The following CAPN8 variants were observed in gnomAD, a reference collection of about 807,000 sequenced individuals.
The protein encoded by CAPN8 is calpain-8.
CAPN8 carries 87 observed loss-of-function variants against 80.9 expected under a neutral mutation model. The ratio of observed to expected loss-of-function variants is 1.07; its 90% confidence interval spans 0.90 to 1.28. The LOEUF (loss-of-function observed/expected upper bound fraction) is 1.28. Among genes scored for constraint, CAPN8 ranks in the 50% most tolerant of loss-of-function variants. CAPN8 has a pLI of 0.00. For missense variants in CAPN8, 757 were observed against 702.0 expected (o/e 1.08, Z -0.89); for synonymous variants, 299 against 273.8 (o/e 1.09, Z -0.91).
chr1:223,541,733 C>T lies in CAPN8; in HGVS notation c.*103G>A. On this transcript the variant is annotated 3_prime_UTR_variant, in exon 21 of 21. Coordinates refer to ENST00000366872, the MANE Select transcript of CAPN8 (RefSeq NM_001143962.2). ...CCAGGGCAAGAAAGGTATGAACAAC[C>T]AGTGAATGCCACTGGAGCATAAATG... The T allele has an allele frequency of 6.6e-7, 1 of 1,526,438 alleles. No individual in the cohort carries two copies. 94.6% of individuals were successfully genotyped at this position (1,526,438 alleles called of 1,614,324 possible). A position where few individuals can be genotyped will look rare whatever the true frequency, so the allele number is the denominator to read the frequency against.
chr1:223,610,512 T>C (rs1657004885), intron 11 of CAPN8, among the ~76,000 whole-genome samples: 1 of 152,176 alleles, frequency 6.6e-6, no homozygotes, highest in Non-Finnish European at 1.5e-5. Flanking sequence ...CCATACCTGA[T>C]GGTAGCAAAG....
intron 16 of CAPN8, among the ~76,000 whole-genome samples, chr1:223,549,067 C>T (rs980541264): frequency 2.6e-5 from 4 of 152,084 alleles, no homozygotes; most frequent in Admixed American, 2.0e-4. Flanking sequence ...TTAAATAAGT[C>T]ACCTAAACAC....
chr1:223,628,985 C>G (rs965924556), intron 2 of CAPN8: 1 of 556,924 alleles, frequency 1.8e-6, no homozygotes, highest in African/African-American at 1.9e-5. Flanking sequence ...GGGAGTGGAT[C>G]CTCTGCTCCT....
intron 16 of CAPN8, among the ~76,000 whole-genome samples, chr1:223,547,581 G>A (rs1558335468): frequency 6.6e-6 from 1 of 152,168 alleles, no homozygotes; most frequent in Non-Finnish European, 1.5e-5. Context: ...GCCATTGCCT[G>A]ATATACTTTA....
chr1:223,621,076 G>A (rs1029285024), intron 7 of CAPN8, among the ~76,000 whole-genome samples: 9 of 151,914 alleles, frequency 5.9e-5, no homozygotes, highest in Non-Finnish European at 1.2e-4. Context: ...TCCAAGCCAG[G>A]CTTTAAGACC....
At chr1:223,659,771 G>T (rs1186354464) in intron 1 of CAPN8, among the ~76,000 whole-genome samples, 1 of 152,158 alleles carries the variant, frequency 6.6e-6, no homozygotes, top group Non-Finnish European at 1.5e-5. Flanking sequence ...AGTGAAGTGG[G>T]TAATATTGTT....
chr1:223,653,501 T>C (rs1185768000), intron 2 of CAPN8, among the ~76,000 whole-genome samples: 1 of 150,874 alleles, frequency 6.6e-6, no homozygotes, highest in Non-Finnish European at 1.5e-5. Flanking sequence ...GATGCTGAGG[T>C]TTCTGTTTGT....
At chr1:223,656,639 G>A (rs1571741963) in intron 1 of CAPN8, among the ~76,000 whole-genome samples, 2 of 147,020 alleles carry the variant, frequency 1.4e-5, no homozygotes, top group South Asian at 4.4e-4. Flanking sequence ...TGATATGAAA[G>A]CATATTTATG....
intron 2 of CAPN8, among the ~76,000 whole-genome samples, chr1:223,643,710 A>G (rs1658106629): frequency 1.3e-5 from 2 of 152,260 alleles, no homozygotes; most frequent in Admixed American, 6.5e-5. Context: ...GAGTTTCTCC[A>G]AACAGTTTGT....
intron 1 of CAPN8, among the ~76,000 whole-genome samples, chr1:223,662,081 G>C (rs1055868493): frequency 6.6e-6 from 1 of 152,162 alleles, no homozygotes; most frequent in African/African-American, 2.4e-5. Flanking sequence ...GACAAATACT[G>C]TATAATTCCA....
Position 223,549,301 on chromosome 1 carries a change from C to T in CAPN8, c.1764+17G>A. 6.5e-7 allele frequency: 1 copy of T among 1,540,610 alleles called. No individual in the cohort carries two copies. Among genetic ancestry groups the T allele is most frequent in the Non-Finnish European group, 8.7e-7 (1 of 1,142,922 alleles). On this transcript the variant is annotated intron_variant, in intron 16 of 20. Coordinates refer to ENST00000366872, the MANE Select transcript of CAPN8 (RefSeq NM_001143962.2). The stretch of plus-strand genomic sequence containing the variant: ...CGAAAGTAAAAAAAAAAAAATAATG[C>T]AACATTTAAAGGATACATCCAACAG...
intron 1 of CAPN8, 85 bp from the exon 2 acceptor site, chr1:223,654,484 T>C: frequency 1.6e-6 from 2 of 1,253,112 alleles, no homozygotes; most frequent in South Asian, 1.3e-5. Flanking sequence ...GAGTCCCAGG[T>C]TGCAGAGCTG....
intron 11 of CAPN8, among the ~76,000 whole-genome samples, chr1:223,609,972 A>T (rs1169828525): frequency 2.6e-5 from 4 of 152,194 alleles, no homozygotes; most frequent in African/African-American, 9.6e-5. Context: ...ACTCTCCTCA[A>T]CAGGCGACGA....
At chr1:223,549,576 A>G in intron 15 of CAPN8, 194 bp from the exon 16 acceptor site, 1 of 821,848 alleles carries the variant, frequency 1.2e-6, no homozygotes, top group Non-Finnish European at 2.0e-6. Flanking sequence ...TGGGAGATAG[A>G]ACAGACAAGC....
At chr1:223,660,987 C>T (rs889770772) in intron 1 of CAPN8, among the ~76,000 whole-genome samples, 2 of 152,050 alleles carry the variant, frequency 1.3e-5, no homozygotes, top group African/African-American at 4.8e-5. Context: ...GCCAACATGG[C>T]AAAACCCAAT....
rs1402791582 is a variant in CAPN8, at chr1:223,550,982, A to G, written c.1677T>C (p.Leu559=). The change falls in exon 15 of 21, where the codon CTT becomes CTC. Residue 559 remains leucine (L), a synonymous_variant. Coordinates refer to ENST00000366872, the MANE Select transcript of CAPN8 (RefSeq NM_001143962.2). ...TACTCTTGGAAAACGCCTCATTCAA[A>G]AGTATCTTGAGTGCATTGGCAGTAA... is the stretch of plus-strand genomic sequence containing the variant. ...SEITANALKI[L]LNEAFSKRTD... 2 of 718,340 alleles carry G rather than the reference A, an allele frequency of 2.8e-6. No individual in the cohort carries two copies. Among genetic ancestry groups the G allele is most frequent in the Admixed American group, 4.0e-5 (2 of 50,014 alleles). 44.5% of individuals were successfully genotyped at this position (718,340 alleles called of 1,614,324 possible).
At chr1:223,609,032 T>G (rs899456017) in intron 12 of CAPN8, 121 bp downstream of exon 12, 281 of 396,460 alleles carry the variant, frequency 7.1e-4, no homozygotes, top group African/African-American at 5.2e-3. Flanking sequence ...TTGTAGTTTC[T>G]TAGAGGCTTC....
chr1:223,548,658 G>A (rs1656697493), intron 16 of CAPN8, among the ~76,000 whole-genome samples: 1 of 152,136 alleles, frequency 6.6e-6, no homozygotes. Flanking sequence ...AAATCTACCA[G>A]CACCTTGATC....
At chr1:223,629,197 AGTGTGTGTGTGTGTGT>A (rs113967295) in intron 2 of CAPN8, among the ~76,000 whole-genome samples, 1 of 95,240 alleles carries the variant, frequency 1.0e-5, no homozygotes, top group Non-Finnish European at 2.4e-5. Context: ...TACGTGTAAG[AGTGTGTGTGTGTGTGT>A]GTGTGTGTGT....
Sources: gnomAD v4.1 joint callset for allele counts (sites outside exome capture counted in the v4.1 genomes callset) on GRCh38, gnomAD v4.1.1 for gene constraint, MANE v1.5 for transcripts, NCBI Gene and HGNC (gene_info 2026-07-23, HGNC 2026-07-21) for gene names.